PRAG1: variants seen among roughly 807,000 people sequenced by gnomAD.
PRAG1 encodes inactive tyrosine-protein kinase PRAG1.
A neutral mutation model predicts 95.6 loss-of-function variants in PRAG1; 110 were observed. The observed-to-expected ratio is 1.15, with a 90% CI of 0.99 to 1.35. The LOEUF (loss-of-function observed/expected upper bound fraction) is 1.35. PRAG1 is among the 40% of genes most tolerant of loss of function. The pLI, the probability that PRAG1 is intolerant of heterozygous loss-of-function variation, is 0.00. For missense variants in PRAG1, 2,554 were observed against 1,864.7 expected, an observed-to-expected ratio of 1.37 and a Z score of -6.81; for synonymous variants, 1,052 against 819.4, an observed-to-expected ratio of 1.28 and a Z score of -4.85.
chr8:8,330,402 T>G (rs998986423), intron 4 of PRAG1, among the ~76,000 whole-genome samples: 3 of 152,188 alleles, frequency 2.0e-5, no homozygotes, highest in African/African-American at 7.2e-5. Flanking sequence ...CCGTGTTTCT[T>G]AAGCTCTCCT....
chr8:8,352,394 C>A (rs1171646881), intron 3 of PRAG1, among the ~76,000 whole-genome samples: 1 of 152,234 alleles, frequency 6.6e-6, no homozygotes, highest in Non-Finnish European at 1.5e-5. Flanking sequence ...CCCAGTGCTT[C>A]TCCAGGAAAA....
At chr8:8,355,064 G>A (rs1020940040) in intron 3 of PRAG1, among the ~76,000 whole-genome samples, 5 of 108,820 alleles carry the variant, frequency 4.6e-5, no homozygotes, top group African/African-American at 1.7e-4. Context: ...AAATGAATTC[G>A]GTAAAGTTGC....
chr8:8,341,851 G>A (rs1311950979), intron 3 of PRAG1, among the ~76,000 whole-genome samples: 1 of 152,140 alleles, frequency 6.6e-6, no homozygotes, highest in African/African-American at 2.4e-5. Context: ...ATAAAATGAC[G>A]GCCGGATACG....
At chr8:8,332,597 G>A (rs944347230) in intron 4 of PRAG1, among the ~76,000 whole-genome samples, 1 of 152,076 alleles carries the variant, frequency 6.6e-6, no homozygotes, top group Non-Finnish European at 1.5e-5. Context: ...GCTGGTGAGA[G>A]GTCAGAATTC....
chr8:8,365,388 C>T (rs1371828600), intron 3 of PRAG1, among the ~76,000 whole-genome samples: 2 of 152,066 alleles, frequency 1.3e-5, no homozygotes, highest in Non-Finnish European at 2.9e-5. Flanking sequence ...CTGTGGGAGG[C>T]CAAAGCAGGT....
chr8:8,382,413 G>T (rs1419845438), intron 1 of PRAG1, among the ~76,000 whole-genome samples: 1 of 152,212 alleles, frequency 6.6e-6, no homozygotes, highest in East Asian at 1.9e-4. Flanking sequence ...GAAGTGGGGT[G>T]CTGGCCTGTC....
chr8:8,339,421 A>G (rs1261713043), intron 4 of PRAG1, 57 bp downstream of exon 4: 2 of 1,581,862 alleles, frequency 1.3e-6, no homozygotes, highest in African/African-American at 1.3e-5. Context: ...GCAACGCAGG[A>G]CTGGTCTTGA....
intron 4 of PRAG1, among the ~76,000 whole-genome samples, chr8:8,331,409 G>A (rs1430304573): frequency 6.6e-6 from 1 of 152,130 alleles, no homozygotes; most frequent in Non-Finnish European, 1.5e-5. Context: ...TCCTCCTTTA[G>A]AAAATGACCG....
intron 5 of PRAG1, among the ~76,000 whole-genome samples, chr8:8,325,845 G>A: frequency 6.7e-6 from 1 of 150,232 alleles, no homozygotes. Flanking sequence ...CCCAGGAGAT[G>A]GAGGTTGCAG....
intron 3 of PRAG1, among the ~76,000 whole-genome samples, chr8:8,346,539 T>G (rs1251244988): frequency 1.3e-5 from 2 of 152,032 alleles, no homozygotes; most frequent in Non-Finnish European, 2.9e-5. Flanking sequence ...CTTGCCAGAG[T>G]GGTCTCCATA....
intron 5 of PRAG1, among the ~76,000 whole-genome samples, chr8:8,320,785 C>T (rs753309545): frequency 9.2e-5 from 14 of 152,232 alleles, no homozygotes; most frequent in Non-Finnish European, 1.6e-4. Flanking sequence ...TGCTTACAGG[C>T]GATACTTTTA....
intron 4 of PRAG1, among the ~76,000 whole-genome samples, chr8:8,332,852 C>G (rs1453205568): frequency 6.6e-6 from 1 of 150,508 alleles, no homozygotes; most frequent in Non-Finnish European, 1.5e-5. Flanking sequence ...GGAACTATCT[C>G]TCCATAAACA....
At chr8:8,370,698 G>A (rs1297977416) in intron 3 of PRAG1, among the ~76,000 whole-genome samples, 1 of 152,118 alleles carries the variant, frequency 6.6e-6, no homozygotes, top group African/African-American at 2.4e-5. Flanking sequence ...CATCCTCCCG[G>A]TTCATGCCCA....
intron 5 of PRAG1, among the ~76,000 whole-genome samples, chr8:8,321,038 T>A (rs1461601481): frequency 6.6e-6 from 1 of 152,262 alleles, no homozygotes; most frequent in Non-Finnish European, 1.5e-5. Flanking sequence ...AAAATGATTT[T>A]GAAATACATG....
At chr8:8,361,090 T>G (rs1297876379) in intron 3 of PRAG1, among the ~76,000 whole-genome samples, 2 of 152,194 alleles carry the variant, frequency 1.3e-5, no homozygotes, top group Non-Finnish European at 2.9e-5. Context: ...CTCATAAGGA[T>G]CATCTAACAG....
intron 3 of PRAG1, among the ~76,000 whole-genome samples, chr8:8,373,554 A>G (rs975617488): frequency 2.7e-5 from 4 of 149,858 alleles, no homozygotes; most frequent in African/African-American, 5.0e-5. Context: ...GGCTCAAGCC[A>G]TCCTCCCACC....
At chr8:8,346,196 C>A (rs185924117) in intron 3 of PRAG1, among the ~76,000 whole-genome samples, 94 of 152,344 alleles carry the variant, frequency 6.2e-4, no homozygotes, top group Admixed American at 1.8e-3. Flanking sequence ...TTTGATCTGT[C>A]TTTCACAAAA....
intron 5 of PRAG1, among the ~76,000 whole-genome samples, chr8:8,320,030 G>A (rs1161023274): frequency 6.6e-6 from 1 of 152,216 alleles, no homozygotes; most frequent in African/African-American, 2.4e-5. Context: ...CAGTTTGTTA[G>A]TTTCTTAAAA....
intron 3 of PRAG1, among the ~76,000 whole-genome samples, chr8:8,353,698 T>C (rs1176605948): frequency 6.6e-6 from 1 of 151,970 alleles, no homozygotes; most frequent in Admixed American, 6.6e-5. Flanking sequence ...TCCCAGTACT[T>C]TGGGAGGCCA....
Sources: gnomAD v4.1 joint callset for allele counts (sites outside exome capture counted in the v4.1 genomes callset) on GRCh38, gnomAD v4.1.1 for gene constraint, MANE v1.5 for transcripts, NCBI Gene and HGNC (gene_info 2026-07-23, HGNC 2026-07-21) for gene names.